The following TRIM33 variants were observed in gnomAD, a reference collection of about 807,000 sequenced individuals.
TRIM33 encodes the protein E3 ubiquitin-protein ligase TRIM33.
In TRIM33, 20 loss-of-function variants were observed where a neutral mutation model predicts 125.4. The observed-to-expected ratio is 0.16, with a 90% CI of 0.11 to 0.23. The LOEUF is 0.23. Among genes scored for constraint, TRIM33 ranks in the 10% least tolerant of loss-of-function variants. The pLI is 1.00. For synonymous variants in TRIM33, 564 were observed against 513.9 expected, an observed-to-expected ratio of 1.10 and a Z score of -1.32; for missense variants, 920 against 1,411.4, an observed-to-expected ratio of 0.65 and a Z score of 5.58.
intron 1 of TRIM33, among the ~76,000 whole-genome samples, chr1:114,466,403 T>C (rs1572089192): frequency 6.6e-6 from 1 of 152,298 alleles, no homozygotes; most frequent in African/African-American, 2.4e-5. Flanking sequence ...ATGCTGCACA[T>C]TCCTTCTTAA....
At chr1:114,431,965 A>C (rs1359977206) in intron 5 of TRIM33, among the ~76,000 whole-genome samples, 1 of 152,258 alleles carries the variant, frequency 6.6e-6, no homozygotes, top group Non-Finnish European at 1.5e-5. Context: ...GAGAGTAGTT[A>C]GTCTCAGTCA....
chr1:114,401,571 A>G, intron 16 of TRIM33, 108 bp from the exon 17 acceptor site: 1 of 801,624 alleles, frequency 1.2e-6, no homozygotes, highest in Non-Finnish European at 2.0e-6. Context: ...CAAACTGAAC[A>G]CAAGCCCCCT....
chr1:114,435,521 C>A (rs1648221357), intron 4 of TRIM33, among the ~76,000 whole-genome samples: 1 of 152,036 alleles, frequency 6.6e-6, no homozygotes. Context: ...TCAGCTAAGG[C>A]AGACAAGAGG....
At chr1:114,427,702 C>G in intron 7 of TRIM33, 46 bp downstream of exon 7, 1 of 1,578,798 alleles carries the variant, frequency 6.3e-7, no homozygotes, top group Non-Finnish European at 8.6e-7. Context: ...GAATATATAT[C>G]TTAATAAAGT....
intron 4 of TRIM33, among the ~76,000 whole-genome samples, chr1:114,436,160 T>C (rs1160103901): frequency 1.3e-5 from 2 of 151,622 alleles, no homozygotes; most frequent in African/African-American, 2.4e-5. Flanking sequence ...CCCAGCACTT[T>C]GGAAGGCCGA....
chr1:114,459,012 C>A (rs1367353454), intron 4 of TRIM33, among the ~76,000 whole-genome samples: 1 of 152,104 alleles, frequency 6.6e-6, no homozygotes, highest in Non-Finnish European at 1.5e-5. Context: ...AAAGCATGAA[C>A]AAAAGAGAAG....
At chr1:114,501,699 A>C (rs753022937) in intron 1 of TRIM33, among the ~76,000 whole-genome samples, 1 of 152,208 alleles carries the variant, frequency 6.6e-6, no homozygotes, top group Non-Finnish European at 1.5e-5. Flanking sequence ...TACATCATCA[A>C]CAAAGGATCA....
rs773343865 is a variant in TRIM33 at position 114,421,579 on chromosome 1, T to C, written c.1918A>G (p.Ile640Val). Reference protein sequence around the residue: ...FPVVSVHNTTINPTSPTTATM... With the variant: ...FPVVSVHNTTVNPTSPTTATM... ...GCTGTAGTAGGGCTCGTTGGGTTGA[T>C]TGTGGTGTTGTGTACCGATACTACG... The change falls in exon 11 of 20, where the codon ATC (isoleucine) becomes GTC (valine). Residue 640 changes from isoleucine (I) to valine (V), a missense_variant. Around this residue, in one of 8 missense-constraint regions of TRIM33, gnomAD observed 407 missense variants for 589.7 expected, o/e 0.69. Transcript: ENST00000358465. 38 of 1,614,124 alleles carry C rather than the reference T, an allele frequency of 2.4e-5. No individual in the cohort carries two copies. Among genetic ancestry groups the C allele is most frequent in the East Asian group, 6.7e-5 (3 of 44,876 alleles).
At chr1:114,438,640 A>G (rs1194502839) in intron 4 of TRIM33, among the ~76,000 whole-genome samples, 1 of 152,200 alleles carries the variant, frequency 6.6e-6, no homozygotes, top group Non-Finnish European at 1.5e-5. Context: ...TACTATTTTC[A>G]TAGTTAAAAG....
intron 4 of TRIM33, among the ~76,000 whole-genome samples, chr1:114,443,734 T>TA (rs1332519279): frequency 6.6e-6 from 1 of 151,954 alleles, no homozygotes; most frequent in Non-Finnish European, 1.5e-5. Context: ...CAATAGGGTA[T>TA]AAAAAATATT....
intron 2 of TRIM33, 39 bp from the exon 3 acceptor site, chr1:114,463,595 T>C (rs547636695): frequency 2.4e-6 from 3 of 1,227,526 alleles, no homozygotes; most frequent in East Asian, 2.4e-5. Flanking sequence ...ATTAAATACA[T>C]AAAATCTAGA....
intron 1 of TRIM33, among the ~76,000 whole-genome samples, chr1:114,502,130 T>C (rs1256753006): frequency 6.6e-6 from 1 of 152,240 alleles, no homozygotes; most frequent in Non-Finnish European, 1.5e-5. Context: ...CTTCAGTTAA[T>C]AAGTACTTTC....
At chr1:114,483,359 C>T (rs576313282) in intron 1 of TRIM33, among the ~76,000 whole-genome samples, 4 of 151,620 alleles carry the variant, frequency 2.6e-5, no homozygotes, top group African/African-American at 9.7e-5. Flanking sequence ...AAAACTCAAT[C>T]TGAATACTAG....
chr1:114,433,403 T>TA (rs1251163236), intron 5 of TRIM33, among the ~76,000 whole-genome samples: 1 of 152,204 alleles, frequency 6.6e-6, no homozygotes, highest in Non-Finnish European at 1.5e-5. Flanking sequence ...ACAGTCTTAT[T>TA]AAAATAGACA....
rs773939840 is a variant in TRIM33, at chr1:114,401,380, G to A, written c.2967+9C>T. The stretch of plus-strand genomic sequence containing the variant: ...CTTCCCCACCGAGCTACTAAGGTAG[G>A]CAACTCACCGAAGCAGGAACAGGCT... On this transcript the variant is annotated intron_variant, in intron 17 of 19. Coordinates refer to ENST00000358465, the MANE Select transcript of TRIM33 (RefSeq NM_015906.4). 1.2e-6 allele frequency: 2 copies of A among 1,609,824 alleles called. No individual in the cohort carries two copies. Among genetic ancestry groups the A allele is most frequent in the South Asian group, 1.1e-5 (1 of 90,864 alleles).
At chr1:114,455,077 A>T (rs560708640) in intron 4 of TRIM33, among the ~76,000 whole-genome samples, 4 of 152,278 alleles carry the variant, frequency 2.6e-5, no homozygotes, top group South Asian at 4.1e-4. Flanking sequence ...AGAATGGAAG[A>T]GTGTGTCTAG....
chr1:114,424,636 G>A lies in TRIM33; in HGVS notation c.1815C>T (p.His605=), dbSNP rs767038662. The change falls in exon 10 of 20, where the codon CAC becomes CAT. Residue 605 remains histidine, a synonymous_variant. Transcript: ENST00000358465. ...GCATCATGGAATATTGAGGGCCGCTGTGCCTGGGTATCCCTGGTATTCTGG... is the reference window on the plus strand; with the variant it reads ...GCATCATGGAATATTGAGGGCCGCTATGCCTGGGTATCCCTGGTATTCTGG... ...NAARIPGIPR[H]SGPQYSMMQP... 4.3e-6 allele frequency: 7 copies of A among 1,610,612 alleles called. No homozygotes were observed. Among genetic ancestry groups the A allele is most frequent in the Non-Finnish European group, 5.9e-6 (7 of 1,178,402 alleles).
chr1:114,445,231 C>T (rs963556209), intron 4 of TRIM33, among the ~76,000 whole-genome samples: 1 of 152,064 alleles, frequency 6.6e-6, no homozygotes, highest in African/African-American at 2.4e-5. Context: ...TCCTAGGAGA[C>T]TTGGGGTGTT....
intron 15 of TRIM33, 69 bp downstream of exon 15, chr1:114,405,341 G>T: frequency 7.9e-7 from 1 of 1,272,688 alleles, no homozygotes; most frequent in South Asian, 1.4e-5. Context: ...CATCTGCCCT[G>T]AACATTCTTC....
Sources: gnomAD v4.1 joint callset for allele counts (sites outside exome capture counted in the v4.1 genomes callset) on GRCh38, gnomAD v4.1.1 for gene constraint, gnomAD v4.1.1 regional missense constraint, MANE v1.5 for transcripts, NCBI Gene and HGNC (gene_info 2026-07-23, HGNC 2026-07-21) for gene names.